The following EPB41L3 variants were observed in gnomAD, a reference collection of about 807,000 sequenced individuals.
EPB41L3 encodes the protein band 4.1-like protein 3.
EPB41L3 carries 57 observed loss-of-function variants against 127.1 expected under a neutral mutation model. That is an observed-to-expected ratio of 0.45 (90% CI 0.36 to 0.56). EPB41L3 has a LOEUF of 0.56. Ranked by LOEUF, EPB41L3 falls within the 20% of genes least tolerant of loss-of-function variation. The pLI is 0.00. For missense variants in EPB41L3, 1,273 were observed against 1,372.2 expected (o/e 0.93, Z 1.14); for synonymous variants, 572 against 549.5 (o/e 1.04, Z -0.57).
At chr18:5,590,231 G>C (rs1301755794) in intron 3 of EPB41L3, among the ~76,000 whole-genome samples, 3 of 152,082 alleles carry the variant, frequency 2.0e-5, no homozygotes, top group Non-Finnish European at 2.9e-5. Context: ...CTATATCAGA[G>C]GTTCCCAAGG....
chr18:5,438,233 C>G, intron 5 of EPB41L3, 123 bp from the exon 6 acceptor site: 1 of 732,376 alleles, frequency 1.4e-6, no homozygotes, highest in South Asian at 1.9e-5. Flanking sequence ...TAATGGAAAA[C>G]TGGGAAACCT....
At chr18:5,600,309 A>G (rs2094577212) in intron 3 of EPB41L3, among the ~76,000 whole-genome samples, 1 of 152,216 alleles carries the variant, frequency 6.6e-6, no homozygotes, top group Non-Finnish European at 1.5e-5. Context: ...GGTAATGTTT[A>G]CAACCTAAAA....
chr18:5,410,554 C>T lies in EPB41L3; in HGVS notation c.2121+12G>A, dbSNP rs764808664. 2.5e-5 allele frequency: 41 copies of T among 1,612,306 alleles called. No individual in the cohort carries two copies. The highest frequency in any genetic ancestry group is 3.5e-5 in the Non-Finnish European group (41 of 1,178,576). On this transcript the variant is annotated intron_variant, in intron 14 of 22. Transcript: ENST00000341928. ...TATGCCACTACCAGCCACTCTCAGC[C>T]AAAATACCAACCTCAGTGGCAGTGG... is the stretch of plus-strand genomic sequence containing the variant.
Position 5,393,209 on chromosome 18 carries a change from C to T in EPB41L3, c.*276G>A. The T allele has an allele frequency of 2.5e-6, 1 of 399,532 alleles. No individual in the cohort carries two copies. Among genetic ancestry groups the T allele is most frequent in the Non-Finnish European group, 4.4e-6 (1 of 225,274 alleles). 24.7% of individuals were successfully genotyped at this position (399,532 alleles called of 1,614,324 possible). On this transcript the variant is annotated 3_prime_UTR_variant, in exon 23 of 23. Transcript: ENST00000341928. ...ATGAACGTGCAGGTATAGCTGAAAA[C>T]TGAGACATTTTGTGAAAATTAAAAA...
chr18:5,604,516 CAA>C (rs1201023105), intron 3 of EPB41L3, among the ~76,000 whole-genome samples: 1 of 152,062 alleles, frequency 6.6e-6, no homozygotes, highest in Non-Finnish European at 1.5e-5. Context: ...TGCAGTGGCA[CAA>C]TCTTGGCTCA....
rs540096545 is a variant in EPB41L3 at position 5,555,847 on chromosome 18, G to C, written c.-306+56493C>G. On this transcript the variant is annotated intron_variant, in intron 3 of 21. Coordinates refer to the EPB41L3 transcript ENST00000545076. ...CACTCTCAAATGCAGCCTCGATGCT[G>C]TAAGTGTTCCCTTCCTCCACTCCCG... Among the ~76,000 whole-genome samples, 39 of 152,292 alleles carry C rather than the reference G, an allele frequency of 2.6e-4. 3 individuals are homozygous for C. Among genetic ancestry groups the C allele is most frequent in the African/African-American group, 8.9e-4 (37 of 41,560 alleles).
At chr18:5,464,551 G>A (rs1018105217) in intron 3 of EPB41L3, among the ~76,000 whole-genome samples, 2 of 152,186 alleles carry the variant, frequency 1.3e-5, no homozygotes, top group Admixed American at 6.6e-5. Flanking sequence ...ATGAAAATGA[G>A]TGAGCTGGGT....
At chr18:5,592,386 C>T (rs865905481) in intron 3 of EPB41L3, among the ~76,000 whole-genome samples, 4 of 152,240 alleles carry the variant, frequency 2.6e-5, no homozygotes, top group Non-Finnish European at 5.9e-5. Flanking sequence ...AGGCTGGTTT[C>T]GAACTCCTGA....
chr18:5,493,843 G>A (rs1006949066), intron 1 of EPB41L3, among the ~76,000 whole-genome samples: 1 of 152,080 alleles, frequency 6.6e-6, no homozygotes, highest in Non-Finnish European at 1.5e-5. Flanking sequence ...TCAATCCTAG[G>A]TGGCACCCCT....
At chr18:5,521,670 C>A (rs965511895) in intron 1 of EPB41L3, among the ~76,000 whole-genome samples, 7 of 152,132 alleles carry the variant, frequency 4.6e-5, no homozygotes, top group African/African-American at 1.7e-4. Flanking sequence ...AACTTTAGTT[C>A]CCTCCTCTAT....
intron 3 of EPB41L3, among the ~76,000 whole-genome samples, chr18:5,573,149 G>T (rs1293073465): frequency 6.6e-6 from 1 of 152,160 alleles, no homozygotes; most frequent in East Asian, 1.9e-4. Context: ...TTAAAATCCT[G>T]ACACATCCAA....
chr18:5,557,902 C>T (rs2094063780), intron 3 of EPB41L3, among the ~76,000 whole-genome samples: 1 of 152,206 alleles, frequency 6.6e-6, no homozygotes, highest in South Asian at 2.1e-4. Flanking sequence ...TGAGTTTTAA[C>T]TATAAACAAA....
chr18:5,587,496 T>C (rs1411972452), intron 3 of EPB41L3, among the ~76,000 whole-genome samples: 1 of 152,174 alleles, frequency 6.6e-6, no homozygotes, highest in Non-Finnish European at 1.5e-5. Flanking sequence ...AAAAAGAGTA[T>C]ATACAGGGTT....
intron 3 of EPB41L3, among the ~76,000 whole-genome samples, chr18:5,461,275 T>C (rs1401870014): frequency 6.6e-6 from 1 of 152,210 alleles, no homozygotes; most frequent in Non-Finnish European, 1.5e-5. Context: ...CCATAAAAAA[T>C]AACAAGTCTC....
chr18:5,585,526 A>T (rs751840159), intron 3 of EPB41L3, among the ~76,000 whole-genome samples: 3 of 152,172 alleles, frequency 2.0e-5, no homozygotes, highest in Non-Finnish European at 4.4e-5. Context: ...CTGGCCAACA[A>T]GTAATTTAAA....
chr18:5,452,222 A>G (rs550655687), intron 3 of EPB41L3, among the ~76,000 whole-genome samples: 1 of 152,278 alleles, frequency 6.6e-6, no homozygotes, highest in African/African-American at 2.4e-5. Flanking sequence ...TTAAATTAAA[A>G]TATGTTTGCA....
intron 1 of EPB41L3, 165 bp from the exon 2 acceptor site, chr18:5,489,359 C>T (rs1418821282): frequency 1.7e-5 from 12 of 712,666 alleles, no homozygotes; most frequent in Non-Finnish European, 2.6e-5. Flanking sequence ...GTCAACTTCA[C>T]CACTGAGATG....
intron 16 of EPB41L3, among the ~76,000 whole-genome samples, chr18:5,404,151 T>C (rs7236089): frequency 0.12 from 18,075 of 152,166 alleles, 2,341 homozygotes; most frequent in African/African-American, 0.32. Context: ...CCTGCTGCCA[T>C]GGGGAGCACA....
At chr18:5,478,635 C>T (rs1191335031) in intron 2 of EPB41L3, among the ~76,000 whole-genome samples, 197 bp from the exon 3 acceptor site, 1 of 152,094 alleles carries the variant, frequency 6.6e-6, no homozygotes. Context: ...ATCAATAAGG[C>T]CTTATTTCAT....
Sources: gnomAD v4.1 joint callset for allele counts (sites outside exome capture counted in the v4.1 genomes callset) on GRCh38, gnomAD v4.1.1 for gene constraint, MANE v1.5 for transcripts, NCBI Gene and HGNC (gene_info 2026-07-23, HGNC 2026-07-21) for gene names.